Variants in HCN1 observed in about 807,000 individuals in gnomAD.
HCN1 encodes hyperpolarization activated cyclic nucleotide gated potassium channel 1.
HCN1 carries 13 observed loss-of-function variants against 78.9 expected under a neutral mutation model. The ratio of observed to expected loss-of-function variants is 0.16; its 90% CI spans 0.11 to 0.26. The LOEUF (loss-of-function observed/expected upper bound fraction) is 0.26. Among genes scored for constraint, HCN1 ranks in the 10% least tolerant of loss-of-function variants. HCN1 has a pLI of 1.00. For missense variants in HCN1, 810 were observed against 1,154.3 expected, an observed-to-expected ratio of 0.70 and a Z score of 4.32; for synonymous variants, 552 against 455.5, an observed-to-expected ratio of 1.21 and a Z score of -2.70.
intron 5 of HCN1, among the ~76,000 whole-genome samples, chr5:45,343,999 A>T (rs1746643934): frequency 6.6e-6 from 1 of 152,182 alleles, no homozygotes; most frequent in African/African-American, 2.4e-5. Flanking sequence ...ATAAAGACAT[A>T]ACTGAGACCG....
At chr5:45,389,939 C>A (rs149384625) in intron 4 of HCN1, among the ~76,000 whole-genome samples, 1 of 152,170 alleles carries the variant, frequency 6.6e-6, no homozygotes, top group Non-Finnish European at 1.5e-5. Flanking sequence ...TGTACAATCT[C>A]ATCATTCCAG....
intron 5 of HCN1, among the ~76,000 whole-genome samples, chr5:45,312,552 C>A (rs1053068679): frequency 1.3e-5 from 2 of 152,192 alleles, no homozygotes; most frequent in African/African-American, 4.8e-5. Context: ...TGAGCATGAA[C>A]TGAAGCAGGG....
intron 3 of HCN1, among the ~76,000 whole-genome samples, chr5:45,460,783 T>C (rs1741136668): frequency 6.7e-6 from 1 of 148,256 alleles, no homozygotes; most frequent in South Asian, 2.1e-4. Flanking sequence ...ATCTTAACTG[T>C]CAATGTAAAT....
At chr5:45,475,052 GC>G (rs1480231934) in intron 2 of HCN1, among the ~76,000 whole-genome samples, 35 of 151,934 alleles carry the variant, frequency 2.3e-4, no homozygotes, top group Middle Eastern at 3.4e-3. Flanking sequence ...ATTTATTTTT[GC>G]TGTCAATTCT....
chr5:45,520,048 C>T (rs1157290157), intron 2 of HCN1, among the ~76,000 whole-genome samples: 1 of 151,850 alleles, frequency 6.6e-6, no homozygotes, highest in Non-Finnish European at 1.5e-5. Flanking sequence ...TTATGTATAA[C>T]ATTTATGAAT....
At chr5:45,471,255 T>A (rs1030213950) in intron 2 of HCN1, among the ~76,000 whole-genome samples, 21 of 151,864 alleles carry the variant, frequency 1.4e-4, no homozygotes, top group African/African-American at 4.8e-4. Context: ...AAGAAATGGA[T>A]GATGATTCAT....
chr5:45,337,090 C>A (rs1171131113), intron 5 of HCN1, among the ~76,000 whole-genome samples: 1 of 151,986 alleles, frequency 6.6e-6, no homozygotes, highest in African/African-American at 2.4e-5. Flanking sequence ...ATTGATTAGA[C>A]AGAACATTTG....
At chr5:45,604,431 G>T (rs1050671023) in intron 2 of HCN1, among the ~76,000 whole-genome samples, 4 of 151,798 alleles carry the variant, frequency 2.6e-5, no homozygotes, top group African/African-American at 9.7e-5. Flanking sequence ...AAGAAAGTCT[G>T]TGCTTTTGAC....
intron 3 of HCN1, among the ~76,000 whole-genome samples, chr5:45,446,538 G>T (rs377747971): frequency 6.6e-6 from 1 of 151,282 alleles, no homozygotes; most frequent in Non-Finnish European, 1.5e-5. Flanking sequence ...TACAGAGAAC[G>T]CCACAAAGAT....
chr5:45,514,780 T>C (rs1470099660), intron 2 of HCN1, among the ~76,000 whole-genome samples: 2 of 152,116 alleles, frequency 1.3e-5, no homozygotes, highest in African/African-American at 4.8e-5. Flanking sequence ...ATTTGAAACC[T>C]GTTTAGGGTA....
chr5:45,441,915 A>G (rs1682329698), intron 3 of HCN1, among the ~76,000 whole-genome samples: 2 of 152,322 alleles, frequency 1.3e-5, no homozygotes, highest in South Asian at 4.1e-4. Context: ...AGGTTAATGT[A>G]TGCTGTTTTA....
chr5:45,582,097 T>C (rs947518314), intron 2 of HCN1, among the ~76,000 whole-genome samples: 2 of 152,184 alleles, frequency 1.3e-5, no homozygotes, highest in Non-Finnish European at 2.9e-5. Flanking sequence ...ATTGAATCTA[T>C]AAATTACCTT....
intron 5 of HCN1, among the ~76,000 whole-genome samples, chr5:45,315,569 C>T (rs1266917646): frequency 5.3e-5 from 8 of 152,016 alleles, no homozygotes. Flanking sequence ...AAGATCAGAG[C>T]AGAACTGAAG....
intron 3 of HCN1, among the ~76,000 whole-genome samples, chr5:45,398,374 AT>A (rs1739724684): frequency 6.6e-6 from 1 of 152,148 alleles, no homozygotes; most frequent in African/African-American, 2.4e-5. Context: ...TAGTCAGGAA[AT>A]TGACATTGAT....
In HCN1 at chr5:45,542,735, G is replaced by T. The variant is rs78918554; in HGVS notation, c.850-80728C>A. On this transcript the variant is annotated intron_variant, in intron 2 of 7. Coordinates refer to ENST00000303230, the MANE Select transcript of HCN1 (RefSeq NM_021072.4). ...GACAGGATTTCTACTGTTTAGGTTA[G>T]GTTTGTGTTTCCAACAGAGCTTAGC... 7.1e-3 allele frequency among the ~76,000 whole-genome samples: 1,085 copies of T among 152,210 alleles called. 9 individuals carry two copies. Among genetic ancestry groups the T allele is most frequent in the Middle Eastern group, 0.01 (3 of 294 alleles).
chr5:45,285,021 T>G (rs1015896928), intron 6 of HCN1, among the ~76,000 whole-genome samples: 1 of 152,062 alleles, frequency 6.6e-6, no homozygotes, highest in South Asian at 2.1e-4. Flanking sequence ...ATCAATTTTC[T>G]AAGTCCATAT....
intron 1 of HCN1, among the ~76,000 whole-genome samples, chr5:45,653,958 T>C (rs1481225975): frequency 6.6e-6 from 1 of 152,082 alleles, no homozygotes; most frequent in Non-Finnish European, 1.5e-5. Flanking sequence ...CATTTGTTCT[T>C]TTGGATGATT....
At chr5:45,305,024 A>AT (rs1344593664) in intron 5 of HCN1, among the ~76,000 whole-genome samples, 1 of 152,176 alleles carries the variant, frequency 6.6e-6, no homozygotes, top group Non-Finnish European at 1.5e-5. Context: ...ATTCTCAGAA[A>AT]TTTCCTTACC....
intron 2 of HCN1, among the ~76,000 whole-genome samples, chr5:45,623,231 T>A (rs1745103223): frequency 6.6e-6 from 1 of 152,182 alleles, no homozygotes; most frequent in Non-Finnish European, 1.5e-5. Flanking sequence ...GAACTGTGTC[T>A]TTCTCCTTGA....
Sources: gnomAD v4.1 joint callset for allele counts (sites outside exome capture counted in the v4.1 genomes callset) on GRCh38, gnomAD v4.1.1 for gene constraint, MANE v1.5 for transcripts, NCBI Gene and HGNC (gene_info 2026-07-23, HGNC 2026-07-21) for gene names.